BNC2: variants seen among roughly 807,000 people sequenced by gnomAD.
BNC2 encodes the protein basonuclin zinc finger protein 2.
Under a neutral mutation model 76.3 loss-of-function variants are expected in BNC2, and 20 were observed. The observed-to-expected ratio is 0.26, with a 90% CI of 0.18 to 0.38. BNC2 has a LOEUF of 0.38. Ranked by LOEUF, BNC2 falls within the 10% of genes least tolerant of loss-of-function variation. The pLI is 1.00. For synonymous variants in BNC2, 582 were observed against 514.8 expected (o/e 1.13, Z -1.77); for missense variants, 1,382 against 1,399.8 (o/e 0.99, Z 0.20).
intron 5 of BNC2, among the ~76,000 whole-genome samples, chr9:16,515,870 A>G (rs1469721649): frequency 2.6e-5 from 4 of 151,886 alleles, no homozygotes; most frequent in Non-Finnish European, 5.9e-5. Context: ...TTCAGAAAAG[A>G]GGCATCTGAC....
At chr9:16,487,206 A>T (rs1236863806) in intron 5 of BNC2, among the ~76,000 whole-genome samples, 1 of 152,148 alleles carries the variant, frequency 6.6e-6, no homozygotes, top group Non-Finnish European at 1.5e-5. Flanking sequence ...AGGGGGTCAA[A>T]CGTCCTCTCC....
intron 3 of BNC2, among the ~76,000 whole-genome samples, chr9:16,661,686 A>T (rs2134063861): frequency 6.6e-6 from 1 of 152,286 alleles, no homozygotes; most frequent in African/African-American, 2.4e-5. Flanking sequence ...TAAAGACTAC[A>T]TGTGTTGTGT....
intron 3 of BNC2, among the ~76,000 whole-genome samples, chr9:16,608,348 T>G (rs569167596): frequency 6.6e-6 from 1 of 152,122 alleles, no homozygotes; most frequent in South Asian, 2.1e-4. Context: ...AAACGTTTCT[T>G]CCCCCTCCCT....
chr9:16,450,074 T>C (rs1821309734), intron 5 of BNC2, among the ~76,000 whole-genome samples: 1 of 152,180 alleles, frequency 6.6e-6, no homozygotes, highest in South Asian at 2.1e-4. Flanking sequence ...GAACAGATAA[T>C]GTAATAAAGG....
chr9:16,500,346 T>C (rs1822491965), intron 5 of BNC2, among the ~76,000 whole-genome samples: 1 of 152,184 alleles, frequency 6.6e-6, no homozygotes. Context: ...AACTCCTGCA[T>C]TCTTATTTAA....
At chr9:16,788,380 C>A (rs951531816) in intron 1 of BNC2, among the ~76,000 whole-genome samples, 1 of 151,604 alleles carries the variant, frequency 6.6e-6, no homozygotes, top group East Asian at 2.0e-4. Flanking sequence ...GGTGAAACCC[C>A]GTCTCTACCA....
intron 3 of BNC2, among the ~76,000 whole-genome samples, chr9:16,666,607 G>T (rs1163729097): frequency 6.6e-6 from 1 of 152,134 alleles, no homozygotes; most frequent in East Asian, 1.9e-4. Flanking sequence ...AGAAACCACA[G>T]GTCAGCTTTC....
intron 1 of BNC2, among the ~76,000 whole-genome samples, chr9:16,805,218 T>G (rs1201051383): frequency 1.3e-5 from 2 of 152,208 alleles, no homozygotes; most frequent in African/African-American, 4.8e-5. Flanking sequence ...TGGAAGACTT[T>G]ATGCAAAGGT....
At chr9:16,709,037 C>T (rs931088967) in intron 3 of BNC2, among the ~76,000 whole-genome samples, 15 of 152,154 alleles carry the variant, frequency 9.9e-5, no homozygotes, top group African/African-American at 3.1e-4. Context: ...CAAAAACGCA[C>T]GCAAAGGGAG....
intron 6 of BNC2, chr9:16,431,394 T>G (rs765091357): frequency 2.2e-6 from 1 of 450,814 alleles, no homozygotes; most frequent in Non-Finnish European, 4.7e-6. Flanking sequence ...AAAGGTAAAT[T>G]ACACCCACCA....
At chr9:16,473,665 G>T (rs1389342436) in intron 5 of BNC2, among the ~76,000 whole-genome samples, 2 of 152,102 alleles carry the variant, frequency 1.3e-5, no homozygotes, top group Non-Finnish European at 2.9e-5. Flanking sequence ...CTGAGGTTAG[G>T]AGTTCGAGAC....
intron 3 of BNC2, among the ~76,000 whole-genome samples, chr9:16,697,502 G>C (rs1823374104): frequency 6.6e-6 from 1 of 152,084 alleles, no homozygotes; most frequent in African/African-American, 2.4e-5. Flanking sequence ...CAGGTGGACT[G>C]CTTGAGGCCA....
chr9:16,781,563 G>A (rs996794653), intron 1 of BNC2, among the ~76,000 whole-genome samples: 48 of 152,128 alleles, frequency 3.2e-4, no homozygotes, highest in African/African-American at 1.1e-3. Context: ...TGCTGGTCGC[G>A]AACTCCTAAG....
chr9:16,626,868 A>G (rs900846284), intron 3 of BNC2, among the ~76,000 whole-genome samples: 2 of 152,136 alleles, frequency 1.3e-5, no homozygotes, highest in Non-Finnish European at 1.5e-5. Context: ...GAGCCAAGAT[A>G]GCAGGGCTTT....
intron 3 of BNC2, among the ~76,000 whole-genome samples, chr9:16,616,786 AGGAG>A (rs1414455929): frequency 3.7e-5 from 5 of 136,948 alleles, no homozygotes; most frequent in Admixed American, 7.4e-5. Flanking sequence ...GAGGGGAGGA[AGGAG>A]GGAAGGAAGG....
intron 1 of BNC2, among the ~76,000 whole-genome samples, chr9:16,771,481 G>T (rs372214047): frequency 6.6e-6 from 1 of 152,194 alleles, no homozygotes; most frequent in Non-Finnish European, 1.5e-5. Context: ...TTGGTTTTAA[G>T]ATATGTGTTC....
At chr9:16,802,723 A>G (rs1404902355) in intron 1 of BNC2, among the ~76,000 whole-genome samples, 1 of 152,158 alleles carries the variant, frequency 6.6e-6, no homozygotes, top group Non-Finnish European at 1.5e-5. Context: ...AAATTCCAAG[A>G]CTGAGATCAT....
chr9:16,726,574 AAAAAGC>A (rs1824329249), intron 3 of BNC2, among the ~76,000 whole-genome samples: 1 of 151,742 alleles, frequency 6.6e-6, no homozygotes, highest in African/African-American at 2.4e-5. Flanking sequence ...AAAAAAAAAA[AAAAAGC>A]AGTTGCAGTA....
rs1480593645 is a variant in BNC2 at position 16,681,709 on chromosome 9, A to G, written c.330+46088T>C. ...TATACTCTACTCCATGGTCAAAAAC[A>G]TGCAGTCACTTGACTTGTTAAAGCT... On this transcript the variant is annotated intron_variant, in intron 3 of 6. Coordinates refer to ENST00000380672, the MANE Select transcript of BNC2 (RefSeq NM_017637.6). Among the ~76,000 whole-genome samples the G allele has an allele frequency of 9.9e-5, 15 of 152,206 alleles. 1 individual carries two copies. Among genetic ancestry groups the G allele is most frequent in the African/African-American group, 3.4e-4 (14 of 41,450 alleles).
Sources: gnomAD v4.1 joint callset for allele counts (sites outside exome capture counted in the v4.1 genomes callset) on GRCh38, gnomAD v4.1.1 for gene constraint, MANE v1.5 for transcripts, NCBI Gene and HGNC (gene_info 2026-07-23, HGNC 2026-07-21) for gene names.